Variants in ZNF423 observed in about 807,000 individuals in gnomAD.
ZNF423 encodes Ebf-associated zinc finger protein.
Under a neutral mutation model 95.8 loss-of-function variants are expected in ZNF423, and 12 were observed. That is an observed-to-expected ratio of 0.13 (90% confidence interval 0.08 to 0.20). The LOEUF (loss-of-function observed/expected upper bound fraction) is 0.20, where lower values mean the gene tolerates loss of function less well. ZNF423 is among the 10% of genes least tolerant of loss of function. The probability of loss-of-function intolerance (pLI) is 1.00; values close to 1 mark genes in which losing one functional copy is unlikely to be tolerated. For missense variants in ZNF423, 1,316 were observed against 1,737.1 expected (o/e 0.76, Z 4.31); for synonymous variants, 749 against 711.9 (o/e 1.05, Z -0.83).
chr16:49,612,648 T>C (rs552104630), intron 5 of ZNF423, among the ~76,000 whole-genome samples: 1 of 152,204 alleles, frequency 6.6e-6, no homozygotes, highest in South Asian at 2.1e-4. Context: ...CACACTACTG[T>C]TACTCAGCAT....
At chr16:49,600,419 A>G (rs1355140820) in intron 5 of ZNF423, among the ~76,000 whole-genome samples, 1 of 152,170 alleles carries the variant, frequency 6.6e-6, no homozygotes, top group Non-Finnish European at 1.5e-5. Context: ...AGCTCTCCCC[A>G]CAGGATGCGA....
chr16:49,817,140 AAAACT>A (rs2034868007), intron 1 of ZNF423, among the ~76,000 whole-genome samples: 1 of 152,220 alleles, frequency 6.6e-6, no homozygotes. Flanking sequence ...TTCCATGGAC[AAAACT>A]TTTGGCTGCC....
intron 5 of ZNF423, among the ~76,000 whole-genome samples, chr16:49,620,695 CA>C (rs1202242997): frequency 6.6e-6 from 1 of 152,176 alleles, no homozygotes; most frequent in African/African-American, 2.4e-5. Flanking sequence ...TGAGGACGTC[CA>C]GGGGCCCAGA....
chr16:49,637,787 G>T lies in ZNF423; in HGVS notation c.1389C>A (p.Asn463Lys). 1 of 1,614,162 alleles carries T rather than the reference G, an allele frequency of 6.2e-7. No homozygotes were observed. The highest frequency in any genetic ancestry group is 8.5e-7 in the Non-Finnish European group (1 of 1,180,038). The change falls in exon 4 of 8, where the codon AAC (asparagine) becomes AAA (lysine). Residue 463 changes from asparagine (N) to lysine (K), a missense_variant. Asn to Lys is a moderately conservative substitution (Grantham distance 94, BLOSUM62 0). Around this residue, in one of 6 missense-constraint regions of ZNF423, gnomAD observed 399 missense variants for 478.5 expected, o/e 0.83. Transcript: ENST00000563137. This position sits in a 1 kb window ranked among gnomAD's most constrained non-coding sequence, Gnocchi z 5.6. ...GCAGCTTGCGAACGTGCTCGTTGAG[G>T]TTGTAGAGGGTGGGCATGGAGTCCA... is the stretch of plus-strand genomic sequence containing the variant. Reference protein sequence around the residue: ...ICLDSMPTLYNLNEHVRKLHK... With the variant: ...ICLDSMPTLYKLNEHVRKLHK...
intron 5 of ZNF423, among the ~76,000 whole-genome samples, chr16:49,533,983 C>T (rs560537070): frequency 6.6e-6 from 1 of 152,160 alleles, no homozygotes; most frequent in South Asian, 2.1e-4. Flanking sequence ...CACAGTGAGA[C>T]CCCATCTCTA....
rs773541714 is a variant in ZNF423 at position 49,636,091 on chromosome 16, G to A, written c.3085C>T (p.Arg1029Cys). ...ACTGTCTGCATGCAGACCACACAGC[G>A]GAAGCCCGTGAGTGAGTTGCGCAGG... ...PDLRNSLTGF[R>C]CVVCMQTVTS... The change falls in exon 4 of 8, where the codon CGC becomes TGC. Residue 1029 changes from arginine to cysteine, a missense_variant. This residue lies in a region of ZNF423 where 620 missense variants were observed against 775.6 expected (regional missense o/e 0.80). Transcript: ENST00000563137. The surrounding 1 kb of genome is among the most constrained non-coding windows in gnomAD (Gnocchi z 8.6). The A allele has an allele frequency of 3.1e-5, 50 of 1,613,860 alleles. No individual in the cohort carries two copies. Among genetic ancestry groups the A allele is most frequent in the Non-Finnish European group, 1.9e-5 (23 of 1,180,032 alleles).
At chr16:49,708,175 C>A (rs116460724) in intron 3 of ZNF423, 303 of 148,864 alleles carry the variant, frequency 2.0e-3, no homozygotes, top group Middle Eastern at 6.9e-3. Flanking sequence ...AGCTACGGAA[C>A]CTGCCGGCAG....
intron 5 of ZNF423, among the ~76,000 whole-genome samples, chr16:49,543,621 G>A (rs779900421): frequency 6.6e-6 from 1 of 152,176 alleles, no homozygotes. Flanking sequence ...AGTGCAGCCC[G>A]GGAGGAATGG....
chr16:49,609,964 GAA>G (rs1392900292), intron 5 of ZNF423, among the ~76,000 whole-genome samples: 1 of 152,114 alleles, frequency 6.6e-6, no homozygotes, highest in Non-Finnish European at 1.5e-5. Flanking sequence ...TATACACAGT[GAA>G]AAAATAATTC....
At chr16:49,538,646 G>T (rs540709330) in intron 5 of ZNF423, among the ~76,000 whole-genome samples, 3 of 152,016 alleles carry the variant, frequency 2.0e-5, no homozygotes, top group Non-Finnish European at 2.9e-5. Flanking sequence ...ACTTTTGGCC[G>T]CACCCAGCTT....
chr16:49,790,514 G>T (rs186101826), intron 1 of ZNF423, among the ~76,000 whole-genome samples: 2 of 152,248 alleles, frequency 1.3e-5, no homozygotes, highest in African/African-American at 4.8e-5. Context: ...TGTCTCCAAG[G>T]TTGCTTTGAA....
intron 4 of ZNF423, among the ~76,000 whole-genome samples, chr16:49,629,824 C>T (rs1972439247): frequency 6.6e-6 from 1 of 152,236 alleles, no homozygotes; most frequent in East Asian, 1.9e-4. Context: ...AAGATGACTT[C>T]AGTGTCCTGG....
At chr16:49,843,652 C>T (rs549043973) in intron 1 of ZNF423, among the ~76,000 whole-genome samples, 2 of 152,268 alleles carry the variant, frequency 1.3e-5, no homozygotes, top group Admixed American at 1.3e-4. Flanking sequence ...ATGTTTCCTC[C>T]AACCCCCTCC....
intron 5 of ZNF423, among the ~76,000 whole-genome samples, chr16:49,534,530 G>C (rs1274047632): frequency 6.6e-6 from 1 of 152,222 alleles, no homozygotes; most frequent in African/African-American, 2.4e-5. Context: ...TGGGATTACA[G>C]GAGTGAGCTA....
intron 1 of ZNF423, among the ~76,000 whole-genome samples, chr16:49,815,870 CAAAAA>C (rs1168729871): frequency 2.5e-5 from 1 of 39,532 alleles, no homozygotes; most frequent in Non-Finnish European, 4.2e-5. Context: ...TCCAAACAAA[CAAAAA>C]AAAAAAATAT....
At chr16:49,592,168 T>A (rs1199563330) in intron 5 of ZNF423, among the ~76,000 whole-genome samples, 1 of 152,272 alleles carries the variant, frequency 6.6e-6, no homozygotes, top group East Asian at 1.9e-4. Flanking sequence ...AAATGCTTTT[T>A]AAAACTGTAT....
chr16:49,791,688 C>T (rs1191774753), intron 1 of ZNF423, among the ~76,000 whole-genome samples: 1 of 152,078 alleles, frequency 6.6e-6, no homozygotes, highest in Non-Finnish European at 1.5e-5. Context: ...TCAGCAGAAT[C>T]CCTTTTGAGT....
chr16:49,523,564 G>A (rs1207927425), intron 7 of ZNF423, 60 bp downstream of exon 7: 1 of 1,459,674 alleles, frequency 6.9e-7, no homozygotes, highest in Non-Finnish European at 9.6e-7. Context: ...GAGACCGTCG[G>A]TGCTGACGGG....
At chr16:49,533,940 T>C (rs889606096) in intron 5 of ZNF423, among the ~76,000 whole-genome samples, 1 of 152,150 alleles carries the variant, frequency 6.6e-6, no homozygotes, top group African/African-American at 2.4e-5. Context: ...GGAAGATTGC[T>C]TGACCCCAGG....
Sources: gnomAD v4.1 joint callset for allele counts (sites outside exome capture counted in the v4.1 genomes callset) on GRCh38, gnomAD v4.1.1 for gene constraint, gnomAD v4.1.1 regional missense constraint, Gnocchi (gnomAD v3.1) non-coding constraint, MANE v1.5 for transcripts, NCBI Gene and HGNC (gene_info 2026-07-23, HGNC 2026-07-21) for gene names.